Variants in DPP6 observed in about 807,000 individuals in gnomAD.
The protein encoded by DPP6 is A-type potassium channel modulatory protein DPP6.
DPP6 carries 69 observed loss-of-function variants against 122.6 expected under a neutral mutation model. The observed-to-expected ratio is 0.56, with a 90% CI of 0.46 to 0.69. The LOEUF is 0.69. DPP6 is among the 30% of genes least tolerant of loss of function. The pLI is 0.00. For missense variants in DPP6, 928 were observed against 1,116.9 expected, an observed-to-expected ratio of 0.83 and a Z score of 2.41; for synonymous variants, 418 against 433.1, an observed-to-expected ratio of 0.97 and a Z score of 0.43.
intron 4 of DPP6, among the ~76,000 whole-genome samples, chr7:154,557,707 A>G (rs1201605165): frequency 6.6e-6 from 1 of 152,136 alleles, no homozygotes; most frequent in Non-Finnish European, 1.5e-5. Flanking sequence ...GTGATCCCCG[A>G]GAAAAGAAAA....
At chr7:153,769,051 T>C in the DPP6 span, among the ~76,000 whole-genome samples, 4 of 152,194 alleles carry the variant, frequency 2.6e-5, no homozygotes, top group African/African-American at 9.7e-5. Context: ...TACAGTAGAA[T>C]TGTCTTCCTA....
chr7:154,194,051 A>C (rs1041358853), intron 1 of DPP6, among the ~76,000 whole-genome samples: 1 of 152,184 alleles, frequency 6.6e-6, no homozygotes, highest in Non-Finnish European at 1.5e-5. Context: ...CTCGTCAGAG[A>C]AGCTGTTAAA....
intron 1 of DPP6, among the ~76,000 whole-genome samples, chr7:154,334,601 T>TA (rs1563498415): frequency 6.6e-6 from 1 of 151,832 alleles, no homozygotes; most frequent in Non-Finnish European, 1.5e-5. Flanking sequence ...ATCCAGAATT[T>TA]AAAAAAAATA....
chr7:154,595,475 T>A (rs1026214727), intron 5 of DPP6, among the ~76,000 whole-genome samples: 2 of 152,142 alleles, frequency 1.3e-5, no homozygotes, highest in African/African-American at 4.8e-5. Flanking sequence ...CATCCTAGGA[T>A]TATAAACTGG....
intron 1 of DPP6, among the ~76,000 whole-genome samples, chr7:154,406,053 CTTATA>C (rs1346506160): frequency 6.6e-6 from 1 of 152,082 alleles, no homozygotes; most frequent in East Asian, 1.9e-4. Flanking sequence ...ATAAATAAAT[CTTATA>C]TTAATGCTAG....
intron 4 of DPP6, among the ~76,000 whole-genome samples, chr7:154,551,718 CTT>C (rs1289422114): frequency 6.6e-6 from 1 of 152,056 alleles, no homozygotes; most frequent in African/African-American, 2.4e-5. Flanking sequence ...ACATTTCCCT[CTT>C]TTGAGAGAGA....
At chr7:154,078,765 A>T (rs376060931) in intron 1 of DPP6, among the ~76,000 whole-genome samples, 4 of 150,610 alleles carry the variant, frequency 2.7e-5, no homozygotes, top group East Asian at 3.9e-4. Flanking sequence ...CATGAAAAGC[A>T]TTGGAATCAA....
At chr7:153,804,310 C>T in the DPP6 span, among the ~76,000 whole-genome samples, 276 of 152,156 alleles carry the variant, frequency 1.8e-3, 2 homozygotes, top group African/African-American at 5.5e-3. Flanking sequence ...CCTTGGCCTC[C>T]CAAAGTGCTG....
chr7:154,584,288 T>G (rs939371066), intron 5 of DPP6, among the ~76,000 whole-genome samples: 4 of 152,206 alleles, frequency 2.6e-5, no homozygotes, highest in Admixed American at 2.0e-4. Context: ...CCTCCTCCAC[T>G]GACCTCACAG....
At chr7:154,521,080 C>T (rs1826935811) in intron 3 of DPP6, among the ~76,000 whole-genome samples, 1 of 151,988 alleles carries the variant, frequency 6.6e-6, no homozygotes, top group Admixed American at 6.6e-5. Flanking sequence ...CTTTAGAGAT[C>T]CTTCAAAAAA....
At chr7:154,712,061 T>C (rs537409157) in intron 7 of DPP6, among the ~76,000 whole-genome samples, 1 of 152,298 alleles carries the variant, frequency 6.6e-6, no homozygotes, top group Admixed American at 6.5e-5. Context: ...AACTTTTGGA[T>C]TTATTTGACT....
chr7:153,974,855 T>C (rs39150), intron 1 of DPP6, among the ~76,000 whole-genome samples: 149,304 of 152,282 alleles, frequency 0.98, 73,218 homozygotes, highest in East Asian at 1. Context: ...CAGCCCTGCA[T>C]GCAGCAAACC....
At chr7:154,544,633 A>G (rs1164771215) in intron 4 of DPP6, among the ~76,000 whole-genome samples, 1 of 152,182 alleles carries the variant, frequency 6.6e-6, no homozygotes, top group East Asian at 1.9e-4. Flanking sequence ...CTTCAGGTCT[A>G]CCTTCCAGCC....
chr7:154,172,686 C>T (rs1050457935), intron 1 of DPP6, among the ~76,000 whole-genome samples: 6 of 150,936 alleles, frequency 4.0e-5, no homozygotes, highest in East Asian at 1.9e-4. Context: ...CTGCAACCTC[C>T]GCCTCCTGGG....
Position 154,245,635 on chromosome 7 carries a change from C to CAAAAAAAAAAAAAAAAAAAAAAAA in DPP6, c.243+192589_243+192590insAAAAAAAAAAAAAAAAAAAAAAAA, listed in dbSNP as rs71182888. Among the ~76,000 whole-genome samples the CAAAAAAAAAAAAAAAAAAAAAAAA allele has an allele frequency of 6.3e-4, 63 of 100,638 alleles. 2 individuals are homozygous for CAAAAAAAAAAAAAAAAAAAAAAAA. The highest frequency in any genetic ancestry group is 2.0e-3 in the African/African-American group (50 of 24,860). The allele number at this position is 100,638 out of a possible 152,430, so 66.0% of individuals were successfully genotyped here. ...CTGGGCAACAAGAGTAAGACTGTCT[C>CAAAAAAAAAAAAAAAAAAAAAAAA]AAAAAAAAAAAAAAAAAGCTATGGC... On this transcript the variant is annotated intron_variant, in intron 1 of 25. Transcript: ENST00000377770.
chr7:154,001,567 G>A (rs1480066763), intron 1 of DPP6, among the ~76,000 whole-genome samples: 1 of 151,940 alleles, frequency 6.6e-6, no homozygotes, highest in Non-Finnish European at 1.5e-5. Context: ...TCCACTGCTG[G>A]CAGTTTATAA....
intron 1 of DPP6, chr7:154,305,486 G>T: frequency 6.3e-7 from 1 of 1,599,182 alleles, no homozygotes. Context: ...GGAAGCGCCT[G>T]GACAGACCAT....
At chr7:154,206,100 G>A (rs1035224618) in intron 1 of DPP6, among the ~76,000 whole-genome samples, 4 of 152,252 alleles carry the variant, frequency 2.6e-5, no homozygotes, top group Admixed American at 1.3e-4. Flanking sequence ...AGGGCAGGAT[G>A]TCCCACAACA....
At chr7:153,805,521 G>T in the DPP6 span, among the ~76,000 whole-genome samples, 2 of 152,292 alleles carry the variant, frequency 1.3e-5, no homozygotes, top group Non-Finnish European at 2.9e-5. Flanking sequence ...ACATGTGCAT[G>T]TGTCTTTATA....
Sources: allele counts gnomAD v4.1 joint callset (sites outside exome capture counted in the v4.1 genomes callset), GRCh38; gene constraint gnomAD v4.1.1; transcripts MANE v1.5; gene names NCBI Gene and HGNC (gene_info 2026-07-23, HGNC 2026-07-21).